CUEDC1: variants seen among roughly 807,000 people sequenced by gnomAD.
The protein encoded by CUEDC1 is CUE domain containing 1, also known as CUE domain-containing protein 1.
Under a neutral mutation model 43.7 loss-of-function variants are expected in CUEDC1, and 30 were observed. The observed-to-expected ratio is 0.69, with a 90% confidence interval of 0.51 to 0.93. CUEDC1 has a LOEUF of 0.93. CUEDC1 is among the 40% of genes least tolerant of loss of function. CUEDC1 has a pLI of 0.00. For synonymous variants in CUEDC1, 223 were observed against 223.6 expected (o/e 1.00, Z 0.02); for missense variants, 486 against 549.0 (o/e 0.89, Z 1.15).
Position 57,869,128 on chromosome 17 carries a change from C to T in CUEDC1, c.934G>A (p.Gly312Arg), listed in dbSNP as rs776133007. The change falls in exon 7 of 11, where the codon GGA (glycine) becomes AGA (arginine). Residue 312 changes from glycine to arginine, a missense_variant. Transcript: ENST00000577830. ...ALFRDKLKHM[G>R]KSTRRKLFEL... ...GGGCCTGAGTGGGACTCACACTTTC[C>T]CATGTGTTTCAGCTTGTCCCTGAAT... is the stretch of plus-strand genomic sequence containing the variant. 6.2e-7 allele frequency: 1 copy of T among 1,613,920 alleles called. No individual in the cohort carries two copies. Among genetic ancestry groups the T allele is most frequent in the Non-Finnish European group, 8.5e-7 (1 of 1,179,932 alleles).
At chr17:57,867,299 C>T (rs866584258) in intron 9 of CUEDC1, 58 bp downstream of exon 9, 207 of 1,503,878 alleles carry the variant, frequency 1.4e-4, no homozygotes, top group Middle Eastern at 6.8e-4. Context: ...CCAGGAACTC[C>T]GCTGGGAGAT....
intron 1 of CUEDC1, among the ~76,000 whole-genome samples, chr17:57,905,996 C>T (rs1051470851): frequency 6.6e-5 from 10 of 152,220 alleles, no homozygotes; most frequent in African/African-American, 2.2e-4. Context: ...TAAAATGGTA[C>T]AGCCACTATG....
At chr17:57,950,582 C>T (rs1870448165) in intron 1 of CUEDC1, among the ~76,000 whole-genome samples, 1 of 151,942 alleles carries the variant, frequency 6.6e-6, no homozygotes, top group African/African-American at 2.4e-5. Flanking sequence ...AAGCTATTCT[C>T]CTGCCTCAGC....
chr17:57,899,014 C>T (rs986203187), intron 1 of CUEDC1, among the ~76,000 whole-genome samples: 8 of 152,186 alleles, frequency 5.3e-5, no homozygotes, highest in African/African-American at 1.9e-4. Context: ...GCAGAGTGGC[C>T]CTCTCAGAAA....
In CUEDC1 at chr17:57,930,378, C is replaced by T. The variant is rs1433690472; in HGVS notation, c.-316+24847G>A. ...GGCTGTGAGGAGGCCAGAAGGTAGC[C>T]CTTACAAACACCTTTCCCCAACTCC... On this transcript the variant is annotated intron_variant, in intron 1 of 10. Transcript: ENST00000577830. The surrounding 1 kb of genome is among the most constrained non-coding windows in gnomAD (Gnocchi z 4.2). Among the ~76,000 whole-genome samples, 2 of 152,210 alleles carry T rather than the reference C, an allele frequency of 1.3e-5. No homozygotes were observed. The highest frequency in any genetic ancestry group is 2.4e-5 in the African/African-American group (1 of 41,442).
At position 57,878,281 on chromosome 17, in the gene CUEDC1, C is replaced by T. The variant is rs141284685; in HGVS notation, c.464+1330G>A. On this transcript the variant is annotated intron_variant, in intron 3 of 10. Transcript: ENST00000577830. ...ATGAAATCTCTCAAGGCTCAGTTTC[C>T]TCGTCCATAAATAGGGGTGATGACA... Among the ~76,000 whole-genome samples, 7 of 152,300 alleles carry T rather than the reference C, an allele frequency of 4.6e-5. No individual in the cohort carries two copies. The East Asian group carries it at 1.3e-3, about 29-fold the overall frequency.
rs1250142099 is a variant in CUEDC1, at chr17:57,930,617, G to C, written c.-316+24608C>G. 1.3e-5 allele frequency among the ~76,000 whole-genome samples: 2 copies of C among 152,214 alleles called. No individual in the cohort carries two copies. Among genetic ancestry groups the C allele is most frequent in the East Asian group, 3.8e-4 (2 of 5,204 alleles). On this transcript the variant is annotated intron_variant, in intron 1 of 10. Transcript: ENST00000577830. The surrounding 1 kb of genome is among the most constrained non-coding windows in gnomAD (Gnocchi z 4.2). Reference sequence around the variant, plus strand: ...TTCTGCTCAAGCCAGACTGAAGCTGGGTCTCCAACAGTGATGGCCTGGGAG... The same window carrying C: ...TTCTGCTCAAGCCAGACTGAAGCTGCGTCTCCAACAGTGATGGCCTGGGAG...
Position 57,885,399 on chromosome 17 carries a change from T to A in CUEDC1, c.166A>T (p.Thr56Ser), listed in dbSNP as rs781094846. 2 of 1,610,334 alleles carry A rather than the reference T, an allele frequency of 1.2e-6. No homozygotes were observed. The highest frequency in any genetic ancestry group is 4.5e-5 in the East Asian group (2 of 44,772). Reference sequence around the variant, plus strand: ...TCGTAATCCATGTTGGGGAACATGGTCTTGAAGTCGTCCATGGCCTGGTTG... The same window carrying A: ...TCGTAATCCATGTTGGGGAACATGGACTTGAAGTCGTCCATGGCCTGGTTG... ...EFNQAMDDFK[T>S]MFPNMDYDII... The change falls in exon 2 of 11, where the codon ACC (threonine) becomes TCC (serine). Residue 56 changes from threonine (T) to serine (S), a missense_variant. Physicochemically the swap from Thr to Ser is moderately conservative, Grantham distance 58 (BLOSUM62 1). Transcript: ENST00000577830.
intron 3 of CUEDC1, among the ~76,000 whole-genome samples, chr17:57,878,688 T>C (rs1201052378): frequency 6.6e-6 from 1 of 151,960 alleles, no homozygotes; most frequent in Non-Finnish European, 1.5e-5. Context: ...ATTTATTTAC[T>C]GAGAGTCTCA....
At chr17:57,902,726 G>A (rs944236920) in intron 1 of CUEDC1, among the ~76,000 whole-genome samples, 7 of 152,218 alleles carry the variant, frequency 4.6e-5, no homozygotes, top group African/African-American at 9.7e-5. Flanking sequence ...AGCTTAAGAC[G>A]TTGCGGGAAA....
chr17:57,863,433 A>G (rs1261810687), intron 10 of CUEDC1, 148 bp from the exon 11 acceptor site: 2 of 152,254 alleles, frequency 1.3e-5, no homozygotes, highest in African/African-American at 2.4e-5. Context: ...GGTCAACCGT[A>G]GAACTCTGCC....
At chr17:57,901,002 T>C (rs2074465714) in intron 1 of CUEDC1, among the ~76,000 whole-genome samples, 1 of 152,204 alleles carries the variant, frequency 6.6e-6, no homozygotes, top group African/African-American at 2.4e-5. Context: ...AACCCACTAT[T>C]AAATCAGAAT....
Position 57,883,828 on chromosome 17 carries a change from G to T in CUEDC1, c.336+1401C>A, listed in dbSNP as rs189435303. The stretch of plus-strand genomic sequence containing the variant: ...TCAATAAAGAGTGGAGTTAAATCCT[G>T]CTGGGTCCTGGTCTTGTCCATGGCT... On this transcript the variant is annotated intron_variant, in intron 2 of 10. Coordinates refer to ENST00000577830, the MANE Select transcript of CUEDC1 (RefSeq NM_001271875.2). Among the ~76,000 whole-genome samples, 5 of 152,328 alleles carry T rather than the reference G, an allele frequency of 3.3e-5. No homozygotes were observed. The East Asian group carries it at 9.6e-4, about 29-fold the overall frequency.
intron 6 of CUEDC1, chr17:57,869,823 C>T (rs2074010841): frequency 6.5e-6 from 1 of 153,040 alleles, no homozygotes; most frequent in South Asian, 2.1e-4. Context: ...GCTCAGCATC[C>T]ACTTGGGTTT....
At chr17:57,886,091 T>C (rs952538428) in intron 1 of CUEDC1, among the ~76,000 whole-genome samples, 3 of 152,182 alleles carry the variant, frequency 2.0e-5, no homozygotes, top group African/African-American at 7.2e-5. Flanking sequence ...TAGCAAGGGA[T>C]TCCTCCGACC....
At chr17:57,944,150 CA>C (rs567777559) in intron 1 of CUEDC1, among the ~76,000 whole-genome samples, 11 of 151,470 alleles carry the variant, frequency 7.3e-5, no homozygotes, top group Non-Finnish European at 1.5e-4. Flanking sequence ...AGCTTACTGG[CA>C]TATGCAGTAA....
intron 1 of CUEDC1, among the ~76,000 whole-genome samples, chr17:57,938,642 ATTTT>A (rs1030052136): frequency 1.3e-5 from 2 of 151,798 alleles, no homozygotes; most frequent in African/African-American, 4.8e-5. Context: ...TTATTTTTAA[ATTTT>A]ATTTATTTAT....
Position 57,861,714 on chromosome 17 carries a change from C to T in CUEDC1, c.*1575G>A, listed in dbSNP as rs915835577. 2.6e-5 allele frequency: 4 copies of T among 152,230 alleles called. No homozygotes were observed. Among genetic ancestry groups the T allele is most frequent in the African/African-American group, 9.6e-5 (4 of 41,464 alleles). The allele number at this position is 152,230 out of a possible 1,614,324, so 9.4% of individuals were successfully genotyped here. On this transcript the variant is annotated 3_prime_UTR_variant, in exon 11 of 11. Transcript: ENST00000577830. ...ACACTCAACAGACATGGGGCTGGGG[C>T]TTCCCCCACAGTGCGCCGGGTCCTG...
chr17:57,875,202 C>T (rs1169931192), intron 3 of CUEDC1, among the ~76,000 whole-genome samples: 3 of 152,196 alleles, frequency 2.0e-5, no homozygotes, highest in Non-Finnish European at 4.4e-5. Context: ...GAGGGACCCT[C>T]GCCAGGGGTA....
Sources: gnomAD v4.1 joint callset for allele counts (sites outside exome capture counted in the v4.1 genomes callset) on GRCh38, gnomAD v4.1.1 for gene constraint, Gnocchi (gnomAD v3.1) non-coding constraint, MANE v1.5 for transcripts, NCBI Gene and HGNC (gene_info 2026-07-23, HGNC 2026-07-21) for gene names.